Variants in LRMDA observed in about 807,000 individuals in gnomAD.
The protein encoded by LRMDA is leucine-rich melanocyte differentiation-associated protein.
A neutral mutation model predicts 29.8 loss-of-function variants in LRMDA; 18 were observed. The observed-to-expected ratio is 0.60, with a 90% CI of 0.42 to 0.90. LRMDA has a LOEUF of 0.90. Ranked by LOEUF, LRMDA falls within the 40% of genes least tolerant of loss-of-function variation. The pLI is 0.00. For missense variants in LRMDA, 273 were observed against 273.9 expected (o/e 1.00, Z 0.02); for synonymous variants, 125 against 109.4 (o/e 1.14, Z -0.89).
chr10:76,358,644 T>G (rs1245177374), intron 6 of LRMDA, among the ~76,000 whole-genome samples: 1 of 152,216 alleles, frequency 6.6e-6, no homozygotes, highest in African/African-American at 2.4e-5. Flanking sequence ...TCAGAGGAGC[T>G]GAACAAGAGT....
chr10:75,514,471 T>G (rs984369399), intron 2 of LRMDA, among the ~76,000 whole-genome samples: 6 of 151,890 alleles, frequency 4.0e-5, no homozygotes, highest in African/African-American at 1.5e-4. Context: ...GGGGGTCTGA[T>G]ATAGTTTGGA....
chr10:75,535,695 T>G (rs1019214862), intron 2 of LRMDA, among the ~76,000 whole-genome samples: 1 of 152,080 alleles, frequency 6.6e-6, no homozygotes, highest in African/African-American at 2.4e-5. Context: ...AAAAAAAAAT[T>G]GGGTGTGACT....
chr10:75,730,795 C>T (rs1564551819), intron 2 of LRMDA, among the ~76,000 whole-genome samples: 2 of 151,788 alleles, frequency 1.3e-5, no homozygotes, highest in East Asian at 3.9e-4. Context: ...CTTGAACCTT[C>T]TTTTTTTTGA....
At position 76,520,963 on chromosome 10, in the gene LRMDA, A is replaced by G. The variant is rs146993858; in HGVS notation, c.602-36246A>G. Among the ~76,000 whole-genome samples the G allele has an allele frequency of 4.3e-3, 658 of 152,298 alleles. 1 individual carries two copies. The highest frequency in any genetic ancestry group is 0.015 in the African/African-American group (616 of 41,574). On this transcript the variant is annotated intron_variant, in intron 6 of 6. Coordinates refer to ENST00000611255, the MANE Select transcript of LRMDA (RefSeq NM_001305581.2). ...AAACTCATAGAACATTTGATAAAAA[A>G]TAGAGACATATTTTCTATAATATTA...
chr10:76,074,035 C>T (rs1455244578), intron 5 of LRMDA, among the ~76,000 whole-genome samples: 1 of 152,076 alleles, frequency 6.6e-6, no homozygotes, highest in Non-Finnish European at 1.5e-5. Flanking sequence ...TTATTGTTCT[C>T]AATAGCCAAT....
intron 5 of LRMDA, among the ~76,000 whole-genome samples, chr10:76,310,316 G>C (rs1158773818): frequency 2.0e-5 from 3 of 152,134 alleles, no homozygotes; most frequent in Non-Finnish European, 4.4e-5. Context: ...CCTTAATAAG[G>C]AAGAAATATC....
chr10:76,281,161 GA>G (rs1168203109), intron 5 of LRMDA, among the ~76,000 whole-genome samples: 1 of 152,140 alleles, frequency 6.6e-6, no homozygotes, highest in African/African-American at 2.4e-5. Flanking sequence ...GTGTCTTGCT[GA>G]AGAGCAAAGG....
At chr10:76,240,270 T>C (rs1387831505) in intron 5 of LRMDA, among the ~76,000 whole-genome samples, 3 of 151,310 alleles carry the variant, frequency 2.0e-5, no homozygotes, top group Non-Finnish European at 4.4e-5. Flanking sequence ...AATGAAATAA[T>C]GGCATTTGCA....
At chr10:76,394,423 A>G (rs1019234151) in intron 6 of LRMDA, among the ~76,000 whole-genome samples, 14 of 152,336 alleles carry the variant, frequency 9.2e-5, no homozygotes, top group South Asian at 6.2e-4. Context: ...AACTTGTGAA[A>G]AAATACTCTA....
intron 2 of LRMDA, among the ~76,000 whole-genome samples, chr10:75,637,969 G>T (rs995086928): frequency 5.3e-5 from 8 of 152,220 alleles, no homozygotes; most frequent in African/African-American, 1.9e-4. Flanking sequence ...AACAGCCAGA[G>T]ACCCTCAAAT....
At chr10:76,277,609 T>G (rs72817424) in intron 5 of LRMDA, among the ~76,000 whole-genome samples, 4,313 of 152,304 alleles carry the variant, frequency 0.028, 93 homozygotes, top group Non-Finnish European at 0.044. Flanking sequence ...GTTTTGTTGT[T>G]AGTCTGAATT....
intron 5 of LRMDA, among the ~76,000 whole-genome samples, chr10:76,061,922 G>A (rs1237239706): frequency 2.6e-5 from 4 of 152,174 alleles, no homozygotes; most frequent in African/African-American, 9.7e-5. Flanking sequence ...GACGCCAAAT[G>A]AGCTCCTTGC....
intron 2 of LRMDA, among the ~76,000 whole-genome samples, chr10:75,732,432 T>A (rs1842711083): frequency 6.6e-6 from 1 of 152,262 alleles, no homozygotes; most frequent in Non-Finnish European, 1.5e-5. Context: ...TAAACCAAAC[T>A]AACAAATGCT....
intron 2 of LRMDA, among the ~76,000 whole-genome samples, chr10:75,846,359 A>G (rs527636508): frequency 2.5e-4 from 38 of 152,318 alleles, no homozygotes; most frequent in Non-Finnish European, 4.7e-4. Context: ...CTCAAAAGGC[A>G]AAAGCCAAAT....
chr10:76,495,232 A>G (rs1206283887), intron 6 of LRMDA, among the ~76,000 whole-genome samples: 2 of 103,338 alleles, frequency 1.9e-5, no homozygotes, highest in Admixed American at 9.8e-5. Flanking sequence ...TGTTTTGCTG[A>G]TGAATGTCCA....
chr10:76,045,806 T>C (rs770516431), intron 3 of LRMDA, among the ~76,000 whole-genome samples: 3 of 152,156 alleles, frequency 2.0e-5, no homozygotes, highest in Non-Finnish European at 4.4e-5. Context: ...AGAAATGGAA[T>C]GTGCTATGTC....
At chr10:75,506,845 T>A (rs969821405) in intron 2 of LRMDA, among the ~76,000 whole-genome samples, 13 of 152,142 alleles carry the variant, frequency 8.5e-5, no homozygotes, top group Admixed American at 7.9e-4. Context: ...TTGTGGGAGG[T>A]TCTCTCTTCA....
chr10:75,657,932 A>G (rs887808440), intron 2 of LRMDA, among the ~76,000 whole-genome samples: 2 of 151,984 alleles, frequency 1.3e-5, no homozygotes, highest in African/African-American at 4.8e-5. Context: ...ATGGTTCTGT[A>G]AGCCTTCCTC....
chr10:76,298,633 A>G (rs1485443094), intron 5 of LRMDA, among the ~76,000 whole-genome samples: 1 of 152,154 alleles, frequency 6.6e-6, no homozygotes, highest in African/African-American at 2.4e-5. Context: ...AGCCAAAGAG[A>G]TGATGCTTAA....
Sources: allele counts gnomAD v4.1 joint callset (sites outside exome capture counted in the v4.1 genomes callset), GRCh38; gene constraint gnomAD v4.1.1; transcripts MANE v1.5; gene names NCBI Gene and HGNC (gene_info 2026-07-23, HGNC 2026-07-21).